The following LPP variants were observed in gnomAD, a reference collection of about 807,000 sequenced individuals.
LPP encodes the protein lipoma-preferred partner.
In LPP, 38 loss-of-function variants were observed where a neutral mutation model predicts 60.4. The observed-to-expected ratio is 0.63, with a 90% CI of 0.49 to 0.83. The LOEUF is 0.83. LPP is among the 40% of genes least tolerant of loss of function. LPP has a pLI of 0.00. For synonymous variants in LPP, 328 were observed against 290.8 expected (o/e 1.13, Z -1.30); for missense variants, 902 against 783.6 (o/e 1.15, Z -1.80).
At chr3:188,240,065 TA>T in intron 2 of LPP, 1 of 197,826 alleles carries the variant, frequency 5.1e-6, no homozygotes, top group Non-Finnish European at 1.0e-5. Flanking sequence ...AGATCTCTGG[TA>T]TTGCTGTCCT....
chr3:188,191,541 G>C (rs145080684), intron 1 of LPP, among the ~76,000 whole-genome samples: 2 of 152,290 alleles, frequency 1.3e-5, no homozygotes, highest in East Asian at 3.9e-4. Context: ...AGCAGCCAGT[G>C]GTCAGAGAGA....
chr3:188,355,747 A>G (rs983197290), intron 3 of LPP, among the ~76,000 whole-genome samples: 4 of 152,198 alleles, frequency 2.6e-5, no homozygotes, highest in South Asian at 4.1e-4. Flanking sequence ...AAGTGTTCCC[A>G]CGTTGTAGAA....
intron 2 of LPP, among the ~76,000 whole-genome samples, chr3:188,303,576 T>A (rs973643009): frequency 3.9e-5 from 6 of 152,132 alleles, no homozygotes; most frequent in Non-Finnish European, 7.4e-5. Flanking sequence ...AGTTGGTATT[T>A]GAGCTGGACC....
chr3:188,676,105 A>G lies in LPP; in HGVS notation c.1114-32162A>G, dbSNP rs1221361809. Reference sequence around the variant, plus strand: ...AAAAGATTTTTAAGGGAAAAATATTAGAAAAGTGAAAACGTTTTTAAAAAA... The same window carrying G: ...AAAAGATTTTTAAGGGAAAAATATTGGAAAAGTGAAAACGTTTTTAAAAAA... On this transcript the variant is annotated intron_variant, in intron 7 of 11. Coordinates refer to ENST00000617246, the MANE Select transcript of LPP (RefSeq NM_001375462.1). Among the ~76,000 whole-genome samples, 4 of 152,224 alleles carry G rather than the reference A, an allele frequency of 2.6e-5. No individual in the cohort carries two copies. In the East Asian group the frequency reaches 7.7e-4, roughly 29 times the overall value.
At chr3:188,273,664 C>T (rs190295654) in intron 2 of LPP, among the ~76,000 whole-genome samples, 4 of 133,528 alleles carry the variant, frequency 3.0e-5, no homozygotes, top group East Asian at 2.3e-4. Context: ...GGCACGATCT[C>T]GGCTTACTGC....
At chr3:188,764,966 A>G (rs1409419192) in intron 9 of LPP, among the ~76,000 whole-genome samples, 1 of 152,170 alleles carries the variant, frequency 6.6e-6, no homozygotes, top group Non-Finnish European at 1.5e-5. Flanking sequence ...AACTTGGCGC[A>G]TTAGTGACCA....
At chr3:188,753,847 T>C (rs1729079074) in intron 8 of LPP, among the ~76,000 whole-genome samples, 2 of 152,088 alleles carry the variant, frequency 1.3e-5, no homozygotes, top group South Asian at 2.1e-4. Context: ...GGAGCCACCT[T>C]TCCCCCACTA....
At chr3:188,337,209 A>G (rs942565465) in intron 2 of LPP, among the ~76,000 whole-genome samples, 6 of 152,164 alleles carry the variant, frequency 3.9e-5, no homozygotes, top group Admixed American at 2.0e-4. Flanking sequence ...ATGGAGTGTC[A>G]TAGCTATGCA....
chr3:188,873,872 G>T (rs949171683), intron 11 of LPP, among the ~76,000 whole-genome samples: 1 of 152,066 alleles, frequency 6.6e-6, no homozygotes, highest in African/African-American at 2.4e-5. Context: ...TGGCCCTTCT[G>T]CTTGGCAGAC....
chr3:188,832,702 GC>G (rs1359376019), intron 9 of LPP, among the ~76,000 whole-genome samples: 1 of 152,202 alleles, frequency 6.6e-6, no homozygotes, highest in Non-Finnish European at 1.5e-5. Context: ...TCAGGGTTCT[GC>G]TTCACCATCT....
At chr3:188,868,342 CT>C (rs1166669689) in intron 10 of LPP, among the ~76,000 whole-genome samples, 1 of 152,094 alleles carries the variant, frequency 6.6e-6, no homozygotes, top group East Asian at 1.9e-4. Flanking sequence ...TGCCATTTAT[CT>C]TTCATGTCTA....
intron 2 of LPP, among the ~76,000 whole-genome samples, chr3:188,248,468 T>TTGTATATATATATATATATA (rs1727808969): frequency 1.2e-5 from 1 of 84,142 alleles, no homozygotes; most frequent in African/African-American, 5.3e-5. Flanking sequence ...CAGTATAACT[T>TTGTATATATATATATATATA]TATATATATA....
chr3:188,866,905 C>T (rs991897904), intron 10 of LPP, among the ~76,000 whole-genome samples: 2 of 152,172 alleles, frequency 1.3e-5, no homozygotes, highest in Non-Finnish European at 2.9e-5. Flanking sequence ...ATGCAAGCCT[C>T]TCACATATTC....
At chr3:188,638,220 C>A (rs899653404) in intron 7 of LPP, among the ~76,000 whole-genome samples, 1 of 142,296 alleles carries the variant, frequency 7.0e-6, no homozygotes, top group African/African-American at 2.6e-5. Context: ...ATATGCAAAT[C>A]AATAAATGTA....
intron 6 of LPP, chr3:188,568,902 G>A (rs528617045): frequency 6.6e-6 from 1 of 152,100 alleles, no homozygotes; most frequent in Admixed American, 6.6e-5. Context: ...GGTGGAGAGG[G>A]GGAACTTACG....
chr3:188,628,830 G>C lies in LPP; in HGVS notation c.1113+18986G>C, dbSNP rs1847333107. On this transcript the variant is annotated intron_variant, in intron 7 of 11. Transcript: ENST00000617246. ...GTGAAAACTTCAGGCCAATATCCTTGATGAACATAGACACAAAAATCTTCA... is the reference window on the plus strand; with the variant it reads ...GTGAAAACTTCAGGCCAATATCCTTCATGAACATAGACACAAAAATCTTCA... 2.0e-5 allele frequency among the ~76,000 whole-genome samples: 3 copies of C among 152,266 alleles called. No individual in the cohort carries two copies. In the South Asian group the frequency reaches 6.2e-4, roughly 32 times the overall value.
At chr3:188,743,755 A>C (rs3732908) in intron 8 of LPP, 8,370 of 152,166 alleles carry the variant, frequency 0.055, 433 homozygotes, top group East Asian at 0.25. Flanking sequence ...GTCTCCAAAG[A>C]GGAAAAAATT....
intron 3 of LPP, among the ~76,000 whole-genome samples, chr3:188,401,770 G>A (rs1278299537): frequency 6.6e-6 from 1 of 152,184 alleles, no homozygotes; most frequent in African/African-American, 2.4e-5. Flanking sequence ...GAACAGGAAA[G>A]CAGATGGGCA....
chr3:188,276,695 T>TCTCTCTCTCTCTCTCTCTCTC (rs1739908128), intron 2 of LPP, among the ~76,000 whole-genome samples: 3 of 16,404 alleles, frequency 1.8e-4, no homozygotes, highest in African/African-American at 1.3e-3. Flanking sequence ...CTCTCTCTCT[T>TCTCTCTCTCTCTCTCTCTCTC]TCTCTCTCTC....
Sources: gnomAD v4.1 joint callset for allele counts (sites outside exome capture counted in the v4.1 genomes callset) on GRCh38, gnomAD v4.1.1 for gene constraint, MANE v1.5 for transcripts, NCBI Gene and HGNC (gene_info 2026-07-23, HGNC 2026-07-21) for gene names.